The following RPS6KC1 variants were observed in gnomAD, a reference collection of about 807,000 sequenced individuals.
RPS6KC1 encodes inactive ribosomal protein S6 kinase delta-1.
A neutral mutation model predicts 103.8 loss-of-function variants in RPS6KC1; 54 were observed. That is an observed-to-expected ratio of 0.52 (90% CI 0.42 to 0.65). The LOEUF is 0.65. Among genes scored for constraint, RPS6KC1 ranks in the 30% least tolerant of loss-of-function variants. The pLI is 0.00. For synonymous variants in RPS6KC1, 439 were observed against 438.7 expected, an observed-to-expected ratio of 1.00 and a Z score of -0.01; for missense variants, 1,151 against 1,253.8, an observed-to-expected ratio of 0.92 and a Z score of 1.24.
chr1:213,725,084 G>A, the RPS6KC1 span, among the ~76,000 whole-genome samples: 1 of 152,212 alleles, frequency 6.6e-6, no homozygotes, highest in African/African-American at 2.4e-5. Context: ...TACTAAAGCT[G>A]CCAGCTTAAC....
At chr1:213,638,406 A>G in the RPS6KC1 span, among the ~76,000 whole-genome samples, 1 of 151,998 alleles carries the variant, frequency 6.6e-6, no homozygotes, top group Non-Finnish European at 1.5e-5. Context: ...ATTATCCTTT[A>G]GTTTTCATGT....
the RPS6KC1 span, among the ~76,000 whole-genome samples, chr1:213,325,677 C>G: frequency 6.6e-6 from 1 of 152,166 alleles, no homozygotes; most frequent in Non-Finnish European, 1.5e-5. Context: ...GGAAGTGGAT[C>G]TAAGCAGAGT....
At chr1:213,082,451 A>G (rs57093283) in intron 3 of RPS6KC1, among the ~76,000 whole-genome samples, 4 of 152,148 alleles carry the variant, frequency 2.6e-5, no homozygotes, top group African/African-American at 9.6e-5. Context: ...ATAATAAAAA[A>G]AAGTAGTGAT....
intron 6 of RPS6KC1, among the ~76,000 whole-genome samples, chr1:213,140,042 T>G (rs975183491): frequency 2.8e-4 from 42 of 152,190 alleles, no homozygotes; most frequent in East Asian, 1.5e-3. Context: ...TAATTCTCAT[T>G]GTAGAGATCG....
At chr1:213,494,774 A>T in the RPS6KC1 span, among the ~76,000 whole-genome samples, 3 of 151,950 alleles carry the variant, frequency 2.0e-5, no homozygotes, top group African/African-American at 7.2e-5. Flanking sequence ...ATGTGATAAA[A>T]TTTTTTTTGA....
At chr1:213,567,806 A>G in the RPS6KC1 span, among the ~76,000 whole-genome samples, 1 of 152,244 alleles carries the variant, frequency 6.6e-6, no homozygotes, top group East Asian at 1.9e-4. Flanking sequence ...CAACATTTGA[A>G]TGATTCCAAT....
At chr1:213,063,345 A>G (rs529576187) in intron 1 of RPS6KC1, among the ~76,000 whole-genome samples, 38 of 152,312 alleles carry the variant, frequency 2.5e-4, no homozygotes, top group African/African-American at 9.1e-4. Flanking sequence ...TGGAGAGAGC[A>G]CTTTGGAGTC....
rs115235002 is a variant in RPS6KC1, at chr1:213,230,078, C to T, written c.1045-419C>T. Among the ~76,000 whole-genome samples the T allele has an allele frequency of 5.7e-3, 862 of 152,080 alleles. 10 individuals are homozygous for T. The highest frequency in any genetic ancestry group is 0.017 in the African/African-American group (719 of 41,514). The stretch of plus-strand genomic sequence containing the variant: ...ACCAAAAGGATGCCTTAGGCTAGAG[C>T]CTGAGTTATTGAGATCACATTATAG... On this transcript the variant is annotated intron_variant, in intron 8 of 14. Coordinates refer to ENST00000366960, the MANE Select transcript of RPS6KC1 (RefSeq NM_012424.6).
rs546247675 is a variant in RPS6KC1, at chr1:213,092,514, A to G, written c.263-11940A>G. 1.3e-3 allele frequency among the ~76,000 whole-genome samples: 5 copies of G among 3,962 alleles called. No individual in the cohort carries two copies. The East Asian group carries it at 0.026, about 21-fold the overall frequency. 2.6% of individuals were successfully genotyped at this position (3,962 alleles called of 152,430 possible). On this transcript the variant is annotated intron_variant, in intron 3 of 14. Coordinates refer to ENST00000366960, the MANE Select transcript of RPS6KC1 (RefSeq NM_012424.6). ...GTGAAACCCCGTCTCTACTAAAAAT[A>G]CGAAAAATTAGGCCGGGCATGGTGG... is the stretch of plus-strand genomic sequence containing the variant.
chr1:213,280,936 A>G, the RPS6KC1 span, among the ~76,000 whole-genome samples: 1 of 152,116 alleles, frequency 6.6e-6, no homozygotes. Context: ...AAGTGACACT[A>G]TTGCCAAAAT....
the RPS6KC1 span, among the ~76,000 whole-genome samples, chr1:213,514,444 T>C: frequency 1.4e-5 from 2 of 142,378 alleles, no homozygotes; most frequent in Non-Finnish European, 1.5e-5. Flanking sequence ...TGTGTTCTCA[T>C]TGTTGAATTC....
At chr1:213,424,582 A>G in the RPS6KC1 span, among the ~76,000 whole-genome samples, 2 of 152,244 alleles carry the variant, frequency 1.3e-5, no homozygotes, top group Non-Finnish European at 2.9e-5. Context: ...GTGAGTGGTC[A>G]AGTTGGGTTT....
At chr1:213,407,402 G>A in the RPS6KC1 span, among the ~76,000 whole-genome samples, 2 of 152,056 alleles carry the variant, frequency 1.3e-5, no homozygotes, top group Non-Finnish European at 2.9e-5. Flanking sequence ...GAAAGTGAAG[G>A]ACTAAAGGAG....
the RPS6KC1 span, among the ~76,000 whole-genome samples, chr1:213,780,646 C>A: frequency 6.6e-6 from 1 of 152,164 alleles, no homozygotes; most frequent in Non-Finnish European, 1.5e-5. Context: ...ATTTGAAAAA[C>A]CATGAGCTGG....
chr1:213,760,605 C>A, the RPS6KC1 span, among the ~76,000 whole-genome samples: 2 of 151,244 alleles, frequency 1.3e-5, no homozygotes, highest in South Asian at 4.2e-4. Flanking sequence ...AAGATAAATT[C>A]GTTTTGTTTC....
the RPS6KC1 span, among the ~76,000 whole-genome samples, chr1:213,731,254 T>C: frequency 6.6e-6 from 1 of 152,194 alleles, no homozygotes; most frequent in African/African-American, 2.4e-5. Context: ...CCATATGAAT[T>C]TTAAAATAGC....
chr1:213,481,176 A>G, the RPS6KC1 span, among the ~76,000 whole-genome samples: 1 of 152,168 alleles, frequency 6.6e-6, no homozygotes, highest in African/African-American at 2.4e-5. Context: ...TTTTATTTAA[A>G]CAAATTGTGT....
chr1:213,824,743 T>C, the RPS6KC1 span, among the ~76,000 whole-genome samples: 1 of 152,226 alleles, frequency 6.6e-6, no homozygotes, highest in African/African-American at 2.4e-5. Context: ...ACTTTCTCTT[T>C]CTTGCCTTCT....
chr1:213,251,598 G>A (rs1318829746), intron 12 of RPS6KC1, among the ~76,000 whole-genome samples: 1 of 152,102 alleles, frequency 6.6e-6, no homozygotes, highest in African/African-American at 2.4e-5. Flanking sequence ...TCTAATCTTT[G>A]TTTCTTCCTG....
Sources: allele counts gnomAD v4.1 joint callset (sites outside exome capture counted in the v4.1 genomes callset), GRCh38; gene constraint gnomAD v4.1.1; transcripts MANE v1.5; gene names NCBI Gene and HGNC (gene_info 2026-07-23, HGNC 2026-07-21).